The following GPM6B variants were observed in gnomAD, a reference collection of about 807,000 sequenced individuals.
GPM6B encodes the protein neuronal membrane glycoprotein M6-b.
A neutral mutation model predicts 27.2 loss-of-function variants in GPM6B; 4 were observed. That is an observed-to-expected ratio of 0.15 (90% CI 0.07 to 0.34). The LOEUF is 0.34. GPM6B is among the 10% of genes least tolerant of loss of function. The pLI is 1.00. For synonymous variants in GPM6B, 124 were observed against 103.1 expected, an observed-to-expected ratio of 1.20 and a Z score of -1.23; for missense variants, 183 against 261.9, an observed-to-expected ratio of 0.70 and a Z score of 2.08.
At chrX:13,830,640 C>T (rs898316487) in intron 1 of GPM6B, among the ~76,000 whole-genome samples, 1 of 112,213 alleles carries the variant, frequency 8.9e-6, no homozygotes, top group Non-Finnish European at 1.9e-5. Flanking sequence ...TCAGTGATCC[C>T]ACATACATGG....
At chrX:13,821,885 G>T (rs1369447537), upstream of GPM6B, among the ~76,000 whole-genome samples, 1 of 111,896 alleles carries the variant, frequency 8.9e-6, no homozygotes, top group African/African-American at 3.3e-5. Context: ...ATGAGCCATC[G>T]TGCCTGACCC....
At chrX:13,834,395 C>G (rs2049473990) in intron 1 of GPM6B, among the ~76,000 whole-genome samples, 1 of 112,643 alleles carries the variant, frequency 8.9e-6, no homozygotes, top group South Asian at 3.7e-4. Context: ...TAAAATCTTA[C>G]TGGGCCAAGA....
In GPM6B at chrX:13,926,156, C is replaced by T. The variant is rs1921177155; in HGVS notation, c.-198+12171G>A. Among the ~76,000 whole-genome samples the T allele has an allele frequency of 2.8e-5, 3 of 108,848 alleles. No individual in the cohort carries two copies. In the Admixed American group the frequency reaches 3.0e-4, roughly 11 times the overall value. 94.5% of individuals were successfully genotyped at this position (108,848 alleles called of 115,157 possible). ...CGCTGATTCCAAAAGCAAAGGATCG[C>T]ACTTTGGGAGGCCGAGGCAGGCAGA... On this transcript the variant is annotated intron_variant, in intron 1 of 6. Coordinates refer to the GPM6B transcript ENST00000398361.
intron 7 of GPM6B, 136 bp downstream of exon 7, chrX:13,776,102 C>T: frequency 3.8e-6 from 2 of 522,149 alleles, no homozygotes; most frequent in South Asian, 5.8e-5. Context: ...GGTAAGTTAA[C>T]ACAGGCGCCA....
chrX:13,791,013 G>A (rs1448363291), intron 2 of GPM6B, among the ~76,000 whole-genome samples: 1 of 111,907 alleles, frequency 8.9e-6, no homozygotes, highest in Non-Finnish European at 1.9e-5. Flanking sequence ...AGAACACCAT[G>A]CTGTTAAAAG....
intron 2 of GPM6B, among the ~76,000 whole-genome samples, chrX:13,789,958 A>AC (rs1325336407): frequency 9.0e-6 from 1 of 111,152 alleles, no homozygotes; most frequent in African/African-American, 3.3e-5. Context: ...CGATCCTCCC[A>AC]CCTCAGCCTC....
At position 13,805,270 on chromosome X, in the gene GPM6B, A is replaced by T. The variant is rs372354124; in HGVS notation, c.181+2380T>A. On this transcript the variant is annotated intron_variant, in intron 2 of 7. Transcript: ENST00000316715. ...TATTAGACTTCCACAATCTTTCATCATATCATTATGGAATTCCAAAAAACT... is the reference window on the plus strand; with the variant it reads ...TATTAGACTTCCACAATCTTTCATCTTATCATTATGGAATTCCAAAAAACT... 2.7e-5 allele frequency among the ~76,000 whole-genome samples: 3 copies of T among 112,036 alleles called. No homozygotes were observed. The East Asian group carries it at 8.3e-4, about 31-fold the overall frequency.
rs763194245 is a variant in GPM6B at position 13,799,190 on chromosome X, A to ATTTTTT, written c.181+8454_181+8459dup. Among the ~76,000 whole-genome samples, 64 of 35,969 alleles carry ATTTTTT rather than the reference A, an allele frequency of 1.8e-3. 9 individuals are homozygous for ATTTTTT. Among genetic ancestry groups the ATTTTTT allele is most frequent in the Non-Finnish European group, 2.7e-3 (58 of 21,474 alleles). The allele number at this position is 35,969 out of a possible 115,157, so 31.2% of individuals were successfully genotyped here. Reference sequence around the variant, plus strand: ...CTAGAAACCTCGATTAGCCAACCTAATTTTTTTTTTTTTTTTTTTTTTTTT... The same window carrying ATTTTTT: ...CTAGAAACCTCGATTAGCCAACCTAATTTTTTTTTTTTTTTTTTTTTTTTTTTTTTT... On this transcript the variant is annotated intron_variant, in intron 2 of 7. Transcript: ENST00000316715.
intron 1 of GPM6B, among the ~76,000 whole-genome samples, chrX:13,826,856 T>C (rs2049379644): frequency 9.0e-6 from 1 of 110,897 alleles, no homozygotes; most frequent in Non-Finnish European, 1.9e-5. Context: ...TTACATCCCA[T>C]GGGGCACTTG....
rs757461820 is a variant in GPM6B, at chrX:13,869,588, G to A, written c.-198+68739C>T. On this transcript the variant is annotated intron_variant, in intron 1 of 6. Transcript: ENST00000398361. Reference sequence around the variant, plus strand: ...ATGGTCCAGTTTGGTTCCGATTGTCGAACCAATGGTCTCCCCTTGGACTTC... The same window carrying A: ...ATGGTCCAGTTTGGTTCCGATTGTCAAACCAATGGTCTCCCCTTGGACTTC... 7.2e-5 allele frequency among the ~76,000 whole-genome samples: 8 copies of A among 111,230 alleles called. No homozygotes were observed. In the East Asian group the frequency reaches 8.4e-4, roughly 12 times the overall value.
rs2048325491 is a variant in GPM6B, at chrX:13,772,816, C to T, written c.*65G>A. 3.7e-6 allele frequency: 4 copies of T among 1,079,217 alleles called. No individual in the cohort carries two copies. The highest frequency in any genetic ancestry group is 6.0e-5 in the East Asian group (2 of 33,248). 88.9% of individuals were successfully genotyped at this position (1,079,217 alleles called of 1,213,427 possible). The stretch of plus-strand genomic sequence containing the variant: ...TTTGGTGGGATACACATCTGTACTG[C>T]AGAGCAGCTGTCTGATGATTTGTCA... On this transcript the variant is annotated 3_prime_UTR_variant, in exon 8 of 8. Transcript: ENST00000316715.
chrX:13,800,162 G>GC (rs1263093525), intron 2 of GPM6B, among the ~76,000 whole-genome samples: 1 of 111,574 alleles, frequency 9.0e-6, no homozygotes, highest in Non-Finnish European at 1.9e-5. Flanking sequence ...CCATGAAGTA[G>GC]CTATGGAGAG....
chrX:13,782,357 C>T (rs945280262), intron 4 of GPM6B, among the ~76,000 whole-genome samples: 1 of 111,519 alleles, frequency 9.0e-6, no homozygotes, highest in African/African-American at 3.3e-5. Flanking sequence ...TCCTCTCCAC[C>T]ATGTACTGTG....
chrX:13,829,859 A>ATTT (rs34742721), intron 1 of GPM6B, among the ~76,000 whole-genome samples: 1 of 88,468 alleles, frequency 1.1e-5, no homozygotes, highest in African/African-American at 4.1e-5. Flanking sequence ...TCTGTCCTGA[A>ATTT]TTTTTTTTTT....
At chrX:13,823,613 G>C (rs1258234663) in intron 1 of GPM6B, among the ~76,000 whole-genome samples, 1 of 107,546 alleles carries the variant, frequency 9.3e-6, no homozygotes, top group Admixed American at 1.0e-4. Flanking sequence ...TCTGCCTCTC[G>C]AGTTCAAGCG....
chrX:13,877,118 G>A (rs940545095), intron 1 of GPM6B, among the ~76,000 whole-genome samples: 1 of 111,437 alleles, frequency 9.0e-6, no homozygotes, highest in South Asian at 3.8e-4. Context: ...AGATCCACTG[G>A]GAAACGCGTA....
intron 1 of GPM6B, among the ~76,000 whole-genome samples, chrX:13,838,329 A>T (rs1275452052): frequency 8.9e-6 from 1 of 111,795 alleles, no homozygotes; most frequent in Non-Finnish European, 1.9e-5. Context: ...AAACAAAATC[A>T]ATCTAGTACA....
intron 1 of GPM6B, among the ~76,000 whole-genome samples, chrX:13,914,304 A>G (rs1416231599): frequency 8.9e-6 from 1 of 112,241 alleles, no homozygotes; most frequent in Admixed American, 9.4e-5. Flanking sequence ...CCCATCTTCT[A>G]TGGTAATAAT....
chrX:13,802,161 T>G (rs897642926), intron 2 of GPM6B, among the ~76,000 whole-genome samples: 1 of 95,628 alleles, frequency 1.0e-5, no homozygotes, highest in African/African-American at 3.8e-5. Context: ...GTTAGATTTA[T>G]ATGAAAACAT....
Sources: allele counts gnomAD v4.1 joint callset (sites outside exome capture counted in the v4.1 genomes callset), GRCh38; gene constraint gnomAD v4.1.1; transcripts MANE v1.5; gene names NCBI Gene and HGNC (gene_info 2026-07-23, HGNC 2026-07-21).